Variants in CACNA2D3 observed in about 807,000 individuals in gnomAD.
CACNA2D3 encodes the protein voltage-dependent calcium channel subunit alpha-2/delta-3.
CACNA2D3 carries 60 observed loss-of-function variants against 160.6 expected under a neutral mutation model. The observed-to-expected ratio is 0.37, with a 90% CI of 0.30 to 0.46. CACNA2D3 has a LOEUF of 0.46. Among genes scored for constraint, CACNA2D3 ranks in the 20% least tolerant of loss-of-function variants. The probability of loss-of-function intolerance (pLI) is 1.00; values close to 1 mark genes in which losing one functional copy is unlikely to be tolerated. For missense variants in CACNA2D3, 1,205 were observed against 1,365.0 expected (o/e 0.88, Z 1.85); for synonymous variants, 558 against 492.9 (o/e 1.13, Z -1.75).
intron 2 of CACNA2D3, among the ~76,000 whole-genome samples, chr3:54,251,910 C>T (rs190463125): frequency 2.4e-4 from 37 of 152,228 alleles, no homozygotes; most frequent in Admixed American, 1.8e-3. Flanking sequence ...TGGGTTATAG[C>T]GAGGCCCTGG....
chr3:54,546,038 C>G (rs370865537), intron 5 of CACNA2D3, among the ~76,000 whole-genome samples: 145 of 152,254 alleles, frequency 9.5e-4, no homozygotes, highest in African/African-American at 3.4e-3. Context: ...CTGAAGATCC[C>G]CTATTCTGCC....
At chr3:54,859,166 C>A (rs76573088) in intron 17 of CACNA2D3, among the ~76,000 whole-genome samples, 3,485 of 152,238 alleles carry the variant, frequency 0.023, 130 homozygotes, top group African/African-American at 0.078. Flanking sequence ...GCAGCTCAAA[C>A]CTCCAAATAA....
intron 27 of CACNA2D3, among the ~76,000 whole-genome samples, chr3:54,963,991 A>G (rs1311807171): frequency 1.3e-5 from 2 of 152,238 alleles, no homozygotes; most frequent in African/African-American, 2.4e-5. Flanking sequence ...GAACAGTCAC[A>G]CAGATAGTTC....
Position 55,067,561 on chromosome 3 carries a change from T to G in CACNA2D3, c.2988-5884T>G, listed in dbSNP as rs1704689762. 2.0e-5 allele frequency among the ~76,000 whole-genome samples: 3 copies of G among 152,326 alleles called. No homozygotes were observed. In the South Asian group the frequency reaches 6.2e-4, roughly 32 times the overall value. ...CTTTATACTTGTTTTAAGAAGACAT[T>G]AATACATTCTCCTTGTAGAGAACTT... On this transcript the variant is annotated intron_variant, in intron 35 of 37. Coordinates refer to ENST00000474759, the MANE Select transcript of CACNA2D3 (RefSeq NM_018398.3).
intron 4 of CACNA2D3, among the ~76,000 whole-genome samples, chr3:54,486,051 C>A (rs568195495): frequency 6.6e-6 from 1 of 152,162 alleles, no homozygotes; most frequent in Admixed American, 6.5e-5. Flanking sequence ...AGTCTCTGAA[C>A]AGAAAGACAT....
At chr3:55,053,042 A>G (rs1014015047) in intron 35 of CACNA2D3, among the ~76,000 whole-genome samples, 3 of 152,118 alleles carry the variant, frequency 2.0e-5, no homozygotes, top group Non-Finnish European at 4.4e-5. Flanking sequence ...GCACATTTAG[A>G]AAATTTTTGA....
chr3:54,272,911 G>A (rs897620094), intron 2 of CACNA2D3: 3 of 152,204 alleles, frequency 2.0e-5, no homozygotes, highest in African/African-American at 7.2e-5. Flanking sequence ...TGGCCACCTT[G>A]GACCCCATTC....
At chr3:54,848,044 G>A (rs562384806) in intron 17 of CACNA2D3, among the ~76,000 whole-genome samples, 3 of 152,196 alleles carry the variant, frequency 2.0e-5, no homozygotes, top group African/African-American at 7.2e-5. Context: ...CACCAAGGTA[G>A]CATCTTTCTC....
intron 2 of CACNA2D3, among the ~76,000 whole-genome samples, chr3:54,249,764 GTTT>G (rs11301633): frequency 0.014 from 1,989 of 141,402 alleles, 27 homozygotes; most frequent in East Asian, 0.053. Context: ...CCAAAATTAT[GTTT>G]TTTTTTTTTT....
intron 4 of CACNA2D3, among the ~76,000 whole-genome samples, chr3:54,481,918 A>G (rs1370976544): frequency 6.6e-6 from 1 of 152,234 alleles, no homozygotes; most frequent in Non-Finnish European, 1.5e-5. Flanking sequence ...GAAAATATAC[A>G]TATGGGGATT....
At chr3:54,771,162 C>T (rs1219040655) in intron 13 of CACNA2D3, among the ~76,000 whole-genome samples, 1 of 152,098 alleles carries the variant, frequency 6.6e-6, no homozygotes, top group Non-Finnish European at 1.5e-5. Context: ...ACAGATCTTT[C>T]CAGACACAGA....
chr3:54,695,024 A>T (rs954626992), intron 11 of CACNA2D3, among the ~76,000 whole-genome samples: 3 of 149,786 alleles, frequency 2.0e-5, no homozygotes, highest in African/African-American at 4.9e-5. Context: ...GTCATAAAAT[A>T]TTTTTTTTTT....
At chr3:54,213,314 T>C (rs1384147476) in intron 2 of CACNA2D3, among the ~76,000 whole-genome samples, 1 of 152,184 alleles carries the variant, frequency 6.6e-6, no homozygotes, top group East Asian at 1.9e-4. Context: ...CTCCAGGCCT[T>C]CTCTGGTTGT....
intron 3 of CACNA2D3, among the ~76,000 whole-genome samples, chr3:54,350,966 C>CGGTTTTTTTTTTTTTTTT (rs1559457706): frequency 7.9e-5 from 5 of 63,286 alleles, no homozygotes; most frequent in Admixed American, 2.0e-4. Context: ...GATCTTGAGT[C>CGGTTTTTTTTTTTTTTTT]TGTTTTTTTT....
At chr3:55,045,823 G>C (rs1044130975) in intron 35 of CACNA2D3, among the ~76,000 whole-genome samples, 1 of 151,144 alleles carries the variant, frequency 6.6e-6, no homozygotes, top group Non-Finnish European at 1.5e-5. Flanking sequence ...AAGTTTATTA[G>C]TTTTATTGAT....
At chr3:54,640,929 C>G (rs115819121) in intron 10 of CACNA2D3, among the ~76,000 whole-genome samples, 1 of 152,032 alleles carries the variant, frequency 6.6e-6, no homozygotes, top group Non-Finnish European at 1.5e-5. Flanking sequence ...GGCTTATTTC[C>G]TAAAACACAG....
intron 27 of CACNA2D3, among the ~76,000 whole-genome samples, chr3:54,921,032 C>T (rs1193950369): frequency 4.6e-5 from 7 of 152,140 alleles, no homozygotes; most frequent in Non-Finnish European, 7.3e-5. Context: ...GGATGCAACT[C>T]CCACTCTCCA....
chr3:55,052,248 T>C (rs528882749), intron 35 of CACNA2D3, among the ~76,000 whole-genome samples: 1 of 152,300 alleles, frequency 6.6e-6, no homozygotes, highest in African/African-American at 2.4e-5. Flanking sequence ...TTCCGGAAAC[T>C]TTTCTGTTAC....
intron 10 of CACNA2D3, chr3:54,637,877 G>A (rs985286499): frequency 2.6e-5 from 4 of 152,146 alleles, no homozygotes; most frequent in East Asian, 1.9e-4. Flanking sequence ...GATGGGACGC[G>A]GCTTAGGAGG....
Sources: allele counts gnomAD v4.1 joint callset (sites outside exome capture counted in the v4.1 genomes callset), GRCh38; gene constraint gnomAD v4.1.1; transcripts MANE v1.5; gene names NCBI Gene and HGNC (gene_info 2026-07-23, HGNC 2026-07-21).